Variants in METTL15 observed in about 807,000 individuals in gnomAD.
The protein encoded by METTL15 is 12S rRNA N(4)-cytidine methyltransferase METTL15.
In METTL15, 34 loss-of-function variants were observed where a neutral mutation model predicts 38.3. The observed-to-expected ratio is 0.89, with a 90% CI of 0.68 to 1.18. METTL15 has a LOEUF of 1.18. Among genes scored for constraint, METTL15 ranks in the 50% most tolerant of loss-of-function variants. The pLI is 0.00. For synonymous variants in METTL15, 162 were observed against 170.9 expected (o/e 0.95, Z 0.41); for missense variants, 438 against 498.4 (o/e 0.88, Z 1.15).
At chr11:28,174,761 G>A (rs1167964499) in intron 3 of METTL15, among the ~76,000 whole-genome samples, 2 of 144,696 alleles carry the variant, frequency 1.4e-5, no homozygotes, top group Non-Finnish European at 3.0e-5. Context: ...CTTGCAGTGA[G>A]AAGAGATTGC....
chr11:28,376,919 A>T (rs1298538205), intron 5 of METTL15, among the ~76,000 whole-genome samples: 3 of 133,386 alleles, frequency 2.2e-5, no homozygotes, highest in Non-Finnish European at 5.0e-5. Context: ...TCACTTATGA[A>T]GCTTAGTTTG....
chr11:28,110,758 T>C (rs991520397), intron 2 of METTL15, among the ~76,000 whole-genome samples: 2 of 152,326 alleles, frequency 1.3e-5, no homozygotes, highest in Non-Finnish European at 2.9e-5. Flanking sequence ...GTTAGAGCCC[T>C]TGAGGGAGTA....
At chr11:28,229,338 C>T (rs1485752549) in intron 4 of METTL15, among the ~76,000 whole-genome samples, 1 of 151,808 alleles carries the variant, frequency 6.6e-6, no homozygotes, top group Admixed American at 6.6e-5. Context: ...GATTTGAGGC[C>T]TGGGACACTG....
At chr11:28,256,253 A>C (rs1203223326) in intron 4 of METTL15, among the ~76,000 whole-genome samples, 2 of 152,180 alleles carry the variant, frequency 1.3e-5, no homozygotes, top group Admixed American at 6.5e-5. Context: ...TTCTTAGAAT[A>C]GTTTGAGTAG....
chr11:28,289,874 C>T (rs1856441059), intron 4 of METTL15, among the ~76,000 whole-genome samples: 1 of 152,006 alleles, frequency 6.6e-6, no homozygotes, highest in Non-Finnish European at 1.5e-5. Context: ...TTTTTCTCTA[C>T]CCAGAGATTT....
intron 3 of METTL15, among the ~76,000 whole-genome samples, chr11:28,147,358 A>G (rs190930770): frequency 1.3e-5 from 2 of 151,848 alleles, no homozygotes; most frequent in Non-Finnish European, 2.9e-5. Flanking sequence ...TACAGAGTAG[A>G]CAATCTTTAG....
intron 5 of METTL15, 71 bp from the exon 6 acceptor site, chr11:28,296,682 G>A (rs752316883): frequency 5.4e-5 from 82 of 1,526,316 alleles, no homozygotes; most frequent in Non-Finnish European, 6.8e-5. Flanking sequence ...TTATGTCTCA[G>A]TACTCTGAAG....
chr11:28,454,115 A>C (rs1177783689), intron 6 of METTL15, among the ~76,000 whole-genome samples: 1 of 152,202 alleles, frequency 6.6e-6, no homozygotes, highest in Non-Finnish European at 1.5e-5. Context: ...ATATCACTCA[A>C]GTAGAATTTG....
intron 5 of METTL15, among the ~76,000 whole-genome samples, chr11:28,370,810 T>G (rs1275309514): frequency 6.6e-6 from 1 of 152,014 alleles, no homozygotes; most frequent in Non-Finnish European, 1.5e-5. Context: ...ATAGTGATGC[T>G]GAACATTTTT....
intron 3 of METTL15, among the ~76,000 whole-genome samples, chr11:28,120,961 G>A (rs1852209791): frequency 6.6e-6 from 1 of 152,060 alleles, no homozygotes; most frequent in South Asian, 2.1e-4. Flanking sequence ...CATTCAATGT[G>A]TGACAGTCAC....
rs112033245 is a variant in METTL15 at position 28,483,037 on chromosome 11, GA to G, written c.*425-43430del. 8.5e-4 allele frequency among the ~76,000 whole-genome samples: 123 copies of G among 145,138 alleles called. 2 individuals are homozygous for G. The East Asian group carries it at 9.6e-3, about 11-fold the overall frequency. ...CACATAACCATACTTCAGTGAACAT[GA>G]AAAAAAAAAATGCTGCTAACCAGTC... On this transcript the variant is annotated intron_variant and NMD_transcript_variant, in intron 6 of 7. Coordinates refer to the METTL15 transcript ENST00000532947.
chr11:28,287,140 TAG>T (rs143169028), intron 4 of METTL15: 242 of 154,244 alleles, frequency 1.6e-3, no homozygotes, highest in African/African-American at 5.7e-3. Flanking sequence ...TGTATATATA[TAG>T]AGAGAGAGAG....
chr11:28,443,957 C>G (rs1590376964), intron 6 of METTL15, among the ~76,000 whole-genome samples: 1 of 152,156 alleles, frequency 6.6e-6, no homozygotes, highest in East Asian at 1.9e-4. Context: ...TGCAATCATT[C>G]TTTATATTTA....
At chr11:28,511,862 A>G (rs867510655) in intron 6 of METTL15, among the ~76,000 whole-genome samples, 7 of 152,144 alleles carry the variant, frequency 4.6e-5, no homozygotes, top group Admixed American at 4.6e-4. Flanking sequence ...GCCTGCTTTT[A>G]TTCTCTTATC....
chr11:28,519,896 A>G (rs1368680462), intron 6 of METTL15, among the ~76,000 whole-genome samples: 1 of 152,242 alleles, frequency 6.6e-6, no homozygotes, highest in Admixed American at 6.5e-5. Flanking sequence ...GGGACAAACA[A>G]GAACCCAAGC....
At chr11:28,186,365 A>C (rs1851493712) in intron 3 of METTL15, among the ~76,000 whole-genome samples, 1 of 151,318 alleles carries the variant, frequency 6.6e-6, no homozygotes, top group South Asian at 2.1e-4. Flanking sequence ...AGTCAACAAA[A>C]AATGATTTTA....
At chr11:28,266,745 C>G (rs1345816759) in intron 4 of METTL15, among the ~76,000 whole-genome samples, 1 of 152,176 alleles carries the variant, frequency 6.6e-6, no homozygotes, top group African/African-American at 2.4e-5. Context: ...AGTCTCTTTC[C>G]CAGATAATTA....
intron 5 of METTL15, among the ~76,000 whole-genome samples, chr11:28,382,750 G>A (rs1287570057): frequency 6.6e-6 from 1 of 151,760 alleles, no homozygotes; most frequent in East Asian, 1.9e-4. Context: ...CAGGAGAATT[G>A]CTTGAACCCA....
intron 4 of METTL15, among the ~76,000 whole-genome samples, chr11:28,232,551 A>G (rs528625092): frequency 3.3e-4 from 50 of 151,932 alleles, no homozygotes; most frequent in African/African-American, 1.1e-3. Flanking sequence ...ATTATAATTC[A>G]TGCAATAATT....
Sources: allele counts gnomAD v4.1 joint callset (sites outside exome capture counted in the v4.1 genomes callset), GRCh38; gene constraint gnomAD v4.1.1; transcripts MANE v1.5; gene names NCBI Gene and HGNC (gene_info 2026-07-23, HGNC 2026-07-21).